The following ENPP2 variants were observed in gnomAD, a reference collection of about 807,000 sequenced individuals.
The protein encoded by ENPP2 is autotaxin.
ENPP2 carries 51 observed loss-of-function variants against 120.2 expected under a neutral mutation model. The ratio of observed to expected loss-of-function variants is 0.42; its 90% CI spans 0.34 to 0.54. The LOEUF is 0.54. Among genes scored for constraint, ENPP2 ranks in the 20% least tolerant of loss-of-function variants. ENPP2 has a pLI of 0.04. For missense variants in ENPP2, 920 were observed against 1,066.5 expected, an observed-to-expected ratio of 0.86 and a Z score of 1.91; for synonymous variants, 365 against 366.4, an observed-to-expected ratio of 1.00 and a Z score of 0.04.
chr8:119,620,766 C>T (rs918858315), intron 4 of ENPP2, among the ~76,000 whole-genome samples: 1 of 152,178 alleles, frequency 6.6e-6, no homozygotes, highest in Admixed American at 6.5e-5. Flanking sequence ...CCAGACAAAG[C>T]CAACACTCAT....
At chr8:119,636,292 T>A (rs1236608293) in intron 2 of ENPP2, among the ~76,000 whole-genome samples, 1 of 152,224 alleles carries the variant, frequency 6.6e-6, no homozygotes, top group African/African-American at 2.4e-5. Context: ...ATTTCCACTG[T>A]CTACAGGATG....
At chr8:119,560,242 C>A (rs952036041) in intron 24 of ENPP2, among the ~76,000 whole-genome samples, 2 of 152,060 alleles carry the variant, frequency 1.3e-5, no homozygotes, top group Non-Finnish European at 2.9e-5. Context: ...TCCCATAATA[C>A]AACAGTTTAA....
chr8:119,590,663 C>A, intron 12 of ENPP2, 33 bp from the exon 13 acceptor site: 1 of 1,450,138 alleles, frequency 6.9e-7, no homozygotes, highest in Non-Finnish European at 9.2e-7. Context: ...TATTTTCAGG[C>A]AAGACTAAAA....
At chr8:119,617,746 C>T (rs778309100) in intron 5 of ENPP2, among the ~76,000 whole-genome samples, 183 bp from the exon 6 acceptor site, 2 of 152,082 alleles carry the variant, frequency 1.3e-5, no homozygotes, top group East Asian at 1.9e-4. Context: ...GTCAGGAGTT[C>T]GAGACCAGCC....
At chr8:119,621,024 T>G (rs984342275) in intron 4 of ENPP2, among the ~76,000 whole-genome samples, 1 of 152,240 alleles carries the variant, frequency 6.6e-6, no homozygotes, top group Non-Finnish European at 1.5e-5. Flanking sequence ...TTCCCTATCC[T>G]GCTTCCCTTT....
chr8:119,613,350 G>T (rs776976441), intron 8 of ENPP2, among the ~76,000 whole-genome samples: 1 of 152,106 alleles, frequency 6.6e-6, no homozygotes, highest in Non-Finnish European at 1.5e-5. Flanking sequence ...TTCGGAAGAC[G>T]CCTATTTAGA....
At chr8:119,661,542 A>C (rs1286445101) in intron 1 of ENPP2, among the ~76,000 whole-genome samples, 1 of 152,208 alleles carries the variant, frequency 6.6e-6, no homozygotes, top group Non-Finnish European at 1.5e-5. Context: ...GGGTGTGGAG[A>C]AAAGGAAACC....
chr8:119,640,058 A>G (rs1225230486), upstream of ENPP2, among the ~76,000 whole-genome samples: 1 of 152,236 alleles, frequency 6.6e-6, no homozygotes, highest in Non-Finnish European at 1.5e-5. Flanking sequence ...CAAATAAAAC[A>G]TGATAGCACA....
chr8:119,566,125 C>T (rs1229485181), intron 22 of ENPP2, among the ~76,000 whole-genome samples: 6 of 152,178 alleles, frequency 3.9e-5, no homozygotes, highest in Non-Finnish European at 8.8e-5. Context: ...TGCATGTCTG[C>T]TTTCTCCTCT....
chr8:119,579,997 T>C (rs1255961451), intron 19 of ENPP2, 119 bp downstream of exon 19: 5 of 765,692 alleles, frequency 6.5e-6, no homozygotes, highest in Non-Finnish European at 1.1e-5. Flanking sequence ...AAAGTCACTT[T>C]GAAATACAAA....
Position 119,626,671 on chromosome 8 carries a change from C to A in ENPP2, c.186G>T (p.Arg62Ser), listed in dbSNP as rs749042128. The change falls in exon 3 of 25, where the codon AGG becomes AGT. Residue 62 changes from arginine (R) to serine (S), a missense_variant. Transcript: ENST00000075322. ...GTCCAGCCTCTTGAAGTTCAAAGCACCTGCCCTTGCAAGATCCGGAGATGT... is the reference window on the plus strand; with the variant it reads ...GTCCAGCCTCTTGAAGTTCAAAGCAACTGCCCTTGCAAGATCCGGAGATGT... Reference protein sequence around the residue: ...WTNISGSCKGRCFELQEAGPP... With the variant: ...WTNISGSCKGSCFELQEAGPP... The A allele has an allele frequency of 9.3e-6, 15 of 1,613,994 alleles. No individual in the cohort carries two copies. The highest frequency in any genetic ancestry group is 1.3e-5 in the Non-Finnish European group (15 of 1,179,968).
At chr8:119,666,547 G>A (rs539686510) in intron 1 of ENPP2, among the ~76,000 whole-genome samples, 55 of 152,244 alleles carry the variant, frequency 3.6e-4, no homozygotes, top group Non-Finnish European at 6.3e-4. Context: ...TTGGGAGGCC[G>A]AGGCGGGCAG....
intron 1 of ENPP2, among the ~76,000 whole-genome samples, chr8:119,646,578 C>T (rs559367798): frequency 1.1e-3 from 160 of 152,288 alleles, no homozygotes; most frequent in Non-Finnish European, 2.1e-3. Flanking sequence ...CCCAGCTCGA[C>T]CACAGTTTAA....
intron 2 of ENPP2, among the ~76,000 whole-genome samples, chr8:119,630,607 A>T (rs1002307909): frequency 1.4e-5 from 2 of 148,016 alleles, no homozygotes; most frequent in African/African-American, 5.3e-5. Flanking sequence ...AAACCTAAAG[A>T]CAAGCAAAAC....
chr8:119,626,616 T>C lies in ENPP2; in HGVS notation c.241A>G (p.Lys81Glu). Reference sequence around the variant, plus strand: ...TCATGGCAGCAACTGGTATAGCTCTTACACAAGTTGTCACAGCGACAATCA... The same window carrying C: ...TCATGGCAGCAACTGGTATAGCTCTCACACAAGTTGTCACAGCGACAATCA... ...PPDCRCDNLCKSYTSCCHDFD... is the reference protein window; with the variant it reads ...PPDCRCDNLCESYTSCCHDFD... Residue 81 changes from lysine to glutamate, a missense_variant, in exon 3 of 25, where the codon AAG (lysine) becomes GAG (glutamate). Transcript: ENST00000075322. The C allele has an allele frequency of 6.2e-7, 1 of 1,614,070 alleles. No homozygotes were observed. The highest frequency in any genetic ancestry group is 2.2e-5 in the East Asian group (1 of 44,860).
intron 2 of ENPP2, among the ~76,000 whole-genome samples, chr8:119,637,053 GA>G (rs959852633): frequency 3.3e-5 from 5 of 150,876 alleles, no homozygotes; most frequent in African/African-American, 7.3e-5. Context: ...AGAGGAAACA[GA>G]AAAAAAAAGT....
At chr8:119,573,165 T>C (rs940943354) in intron 19 of ENPP2, 1 of 152,112 alleles carries the variant, frequency 6.6e-6, no homozygotes, top group African/African-American at 2.4e-5. Context: ...CACAACACTT[T>C]GGGAGGCAAA....
intron 5 of ENPP2, chr8:119,618,182 T>C (rs1798033288): frequency 2.6e-6 from 1 of 378,164 alleles, no homozygotes; most frequent in East Asian, 7.2e-5. Flanking sequence ...TTTTTTGAGA[T>C]GAGCTATCAA....
At chr8:119,608,768 T>C (rs1257995564) in intron 8 of ENPP2, among the ~76,000 whole-genome samples, 1 of 152,216 alleles carries the variant, frequency 6.6e-6, no homozygotes, top group Non-Finnish European at 1.5e-5. Context: ...TAATCTTATC[T>C]AGCATATAGG....
Sources: allele counts gnomAD v4.1 joint callset (sites outside exome capture counted in the v4.1 genomes callset), GRCh38; gene constraint gnomAD v4.1.1; transcripts MANE v1.5; gene names NCBI Gene and HGNC (gene_info 2026-07-23, HGNC 2026-07-21).